SPC24: variants seen among roughly 807,000 people sequenced by gnomAD.
SPC24 encodes kinetochore protein Spc24.
SPC24 carries 31 observed loss-of-function variants against 27.6 expected under a neutral mutation model. The ratio of observed to expected loss-of-function variants is 1.12; its 90% CI spans 0.84 to 1.52. The LOEUF (loss-of-function observed/expected upper bound fraction) is 1.52. SPC24 is among the 40% of genes most tolerant of loss of function. The probability of loss-of-function intolerance (pLI) is 0.00; values close to 1 mark genes in which losing one functional copy is unlikely to be tolerated. For missense variants in SPC24, 284 were observed against 252.5 expected, an observed-to-expected ratio of 1.12 and a Z score of -0.84; for synonymous variants, 105 against 105.8, an observed-to-expected ratio of 0.99 and a Z score of 0.05.
At chr19:11,147,400 G>A (rs1049431652) in intron 4 of SPC24, 111 bp from the exon 5 acceptor site, 6 of 711,564 alleles carry the variant, frequency 8.4e-6, no homozygotes, top group African/African-American at 7.2e-5. Flanking sequence ...TCATTCTGTA[G>A]GCCAGGCTGG....
At position 11,146,105 on chromosome 19, in the gene SPC24, C is replaced by G. The variant is rs1283381291; in HGVS notation, c.*1078G>C. 1 of 152,078 alleles carries G rather than the reference C, an allele frequency of 6.6e-6. No homozygotes were observed. The highest frequency in any genetic ancestry group is 1.5e-5 in the Non-Finnish European group (1 of 68,052). The allele number at this position is 152,078 out of a possible 1,614,324, so 9.4% of individuals were successfully genotyped here. A position where few individuals can be genotyped will look rare whatever the true frequency, so the allele number is the denominator to read the frequency against. On this transcript the variant is annotated 3_prime_UTR_variant, in exon 5 of 5. Transcript: ENST00000592540. ...AAAGTCGCTTCTGTCCTCCATGAAG[C>G]CTGCACACTCTGGTGTGGCTCCTGT...
At chr19:11,149,287 G>A (rs150253194) in intron 1 of SPC24, 49 bp from the exon 2 acceptor site, 13 of 1,404,506 alleles carry the variant, frequency 9.3e-6, no homozygotes, top group African/African-American at 2.9e-5. Flanking sequence ...CTTCCCCAAG[G>A]AGAGCAGAGA....
At chr19:11,152,687 T>C (rs1460009949) in intron 1 of SPC24, among the ~76,000 whole-genome samples, 1 of 152,056 alleles carries the variant, frequency 6.6e-6, no homozygotes, top group Admixed American at 6.6e-5. Context: ...TGGCCCCAGA[T>C]TCATCCATTC....
rs2077842405 is a variant in SPC24 at position 11,148,075 on chromosome 19, C to CGCCTCAATCTCCTTGA, written c.332_347dup (p.Asp117GlnfsTer4). The CGCCTCAATCTCCTTGA allele has an allele frequency of 6.2e-7, 1 of 1,613,724 alleles. No homozygotes were observed. Among genetic ancestry groups the CGCCTCAATCTCCTTGA allele is most frequent in the Non-Finnish European group, 8.5e-7 (1 of 1,179,876 alleles). On this transcript the variant is annotated stop_gained and frameshift_variant, in exon 3 of 5. Coordinates refer to ENST00000592540, the MANE Select transcript of SPC24 (RefSeq NM_182513.4). LOFTEE classifies it high-confidence loss of function. ...CCTCCTTCTCCTGTCGCTCCAGATC[C>CGCCTCAATCTCCTTGA]GCCTCAATCTCCTTGAGCTCTTCCA... is the stretch of plus-strand genomic sequence containing the variant.
At chr19:11,153,796 G>A (rs1600793499) in intron 1 of SPC24, among the ~76,000 whole-genome samples, 1 of 146,380 alleles carries the variant, frequency 6.8e-6, no homozygotes, top group Non-Finnish European at 1.5e-5. Flanking sequence ...GGCTGGGCAC[G>A]GTGGCTCATG....
At position 11,145,521 on chromosome 19, in the gene SPC24, T is replaced by A. The variant is rs2077817842; in HGVS notation, c.*1662A>T. The A allele has an allele frequency of 6.6e-6, 1 of 152,200 alleles. No homozygotes were observed. Among genetic ancestry groups the A allele is most frequent in the South Asian group, 2.1e-4 (1 of 4,834 alleles). The allele number at this position is 152,200 out of a possible 1,614,324, so 9.4% of individuals were successfully genotyped here. A position where few individuals can be genotyped will look rare whatever the true frequency, so the allele number is the denominator to read the frequency against. ...AGTACATGTTCAGTTAGGGTTTATT[T>A]TGGTATCTGTCATAGAAAACCCCCA... is the stretch of plus-strand genomic sequence containing the variant. On this transcript the variant is annotated 3_prime_UTR_variant, in exon 5 of 5. Transcript: ENST00000592540.
rs536355011 is a variant in SPC24, at chr19:11,148,943, G to T, written c.305+151C>A. Reference sequence around the variant, plus strand: ...ATTTTTTTATTTTTGTAGAGACGGGGTCTCTGTTGTCCAGGCTGGTCTCCA... The same window carrying T: ...ATTTTTTTATTTTTGTAGAGACGGGTTCTCTGTTGTCCAGGCTGGTCTCCA... On this transcript the variant is annotated intron_variant, in intron 2 of 4. Transcript: ENST00000592540. 215 of 678,448 alleles carry T rather than the reference G, an allele frequency of 3.2e-4. No homozygotes were observed. In the African/African-American group the frequency reaches 3.6e-3, roughly 11 times the overall value. The allele number at this position is 678,448 out of a possible 1,614,324, so 42.0% of individuals were successfully genotyped here.
In SPC24 at chr19:11,146,239, C is replaced by T. The variant is rs2077822034; in HGVS notation, c.*944G>A. ...CACTCGTATCTTGTCTCTCTGGTGC[C>T]TAGCAGAGTCTGGGCACACCGTGGC... is the stretch of plus-strand genomic sequence containing the variant. On this transcript the variant is annotated 3_prime_UTR_variant, in exon 5 of 5. Transcript: ENST00000592540. 1.3e-5 allele frequency: 2 copies of T among 151,690 alleles called. 1 individual carries two copies. Among genetic ancestry groups the T allele is most frequent in the South Asian group, 4.2e-4 (2 of 4,806 alleles). The allele number at this position is 151,690 out of a possible 1,614,324, so 9.4% of individuals were successfully genotyped here.
intron 1 of SPC24, among the ~76,000 whole-genome samples, chr19:11,155,047 G>T (rs1385065904): frequency 6.6e-6 from 1 of 152,082 alleles, no homozygotes; most frequent in Non-Finnish European, 1.5e-5. Flanking sequence ...TTAGCCGAGT[G>T]CGGTGGCAAG....
chr19:11,151,283 C>G (rs993849982), intron 1 of SPC24, among the ~76,000 whole-genome samples: 8 of 151,844 alleles, frequency 5.3e-5, no homozygotes, highest in Non-Finnish European at 7.4e-5. Flanking sequence ...CACACACGCA[C>G]ACACCCTTCT....
Position 11,145,725 on chromosome 19 carries a change from A to G in SPC24, c.*1458T>C, listed in dbSNP as rs1052976633. ...TATGGCTGCCAGGGCTCCAGCCATC[A>G]CACCCACATTCCAGGAAATAGGAAG... On this transcript the variant is annotated 3_prime_UTR_variant, in exon 5 of 5. Coordinates refer to ENST00000592540, the MANE Select transcript of SPC24 (RefSeq NM_182513.4). 8 of 152,190 alleles carry G rather than the reference A, an allele frequency of 5.3e-5. No homozygotes were observed. The highest frequency in any genetic ancestry group is 1.9e-4 in the African/African-American group (8 of 41,450). The allele number at this position is 152,190 out of a possible 1,614,324, so 9.4% of individuals were successfully genotyped here. A position where few individuals can be genotyped will look rare whatever the true frequency, so the allele number is the denominator to read the frequency against.
chr19:11,147,744 G>C (rs557387577), intron 4 of SPC24, 74 bp downstream of exon 4: 40 of 1,346,946 alleles, frequency 3.0e-5, no homozygotes, highest in Admixed American at 2.8e-4. Flanking sequence ...AATTTTTACA[G>C]GGTCCTGCTA....
In SPC24 at chr19:11,149,279, T is replaced by C. The variant is rs747062853; in HGVS notation, c.161-41A>G. On this transcript the variant is annotated intron_variant, in intron 1 of 4. Coordinates refer to ENST00000592540, the MANE Select transcript of SPC24 (RefSeq NM_182513.4). ...AAGCAGGCTCCCTAGGGTCTGTCCTTCCCCAAGGAGAGCAGAGAGAAGGTG... is the reference window on the plus strand; with the variant it reads ...AAGCAGGCTCCCTAGGGTCTGTCCTCCCCCAAGGAGAGCAGAGAGAAGGTG... 3.5e-6 allele frequency: 5 copies of C among 1,432,248 alleles called. No homozygotes were observed. The African/African-American group carries it at 4.3e-5, about 12-fold the overall frequency. The allele number at this position is 1,432,248 out of a possible 1,614,324, so 88.7% of individuals were successfully genotyped here.
At chr19:11,152,781 G>A (rs556591440) in intron 1 of SPC24, among the ~76,000 whole-genome samples, 88 of 152,174 alleles carry the variant, frequency 5.8e-4, no homozygotes, top group African/African-American at 2.0e-3. Flanking sequence ...GGAAGAAGGA[G>A]GAGGGAAGGA....
rs1001709255 is a variant in SPC24 at position 11,148,646 on chromosome 19, T to TATTG, written c.305+444_305+447dup. ...CAGGTGTGTACCACCATGCCCAGCT[T>TATTG]ATTGATTGATTGATTGATTGAGACA... On this transcript the variant is annotated intron_variant, in intron 2 of 4. Transcript: ENST00000592540. 4.2e-4 allele frequency among the ~76,000 whole-genome samples: 64 copies of TATTG among 151,514 alleles called. 1 individual carries two copies. The highest frequency in any genetic ancestry group is 5.9e-4 in the Non-Finnish European group (40 of 67,858).
At chr19:11,155,099 T>C (rs543296332) in intron 1 of SPC24, among the ~76,000 whole-genome samples, 3 of 152,178 alleles carry the variant, frequency 2.0e-5, no homozygotes, top group Non-Finnish European at 2.9e-5. Context: ...GGCAGGAGAA[T>C]AGCTTGAACC....
At chr19:11,152,585 C>T (rs897641637) in intron 1 of SPC24, among the ~76,000 whole-genome samples, 4 of 152,264 alleles carry the variant, frequency 2.6e-5, no homozygotes, top group African/African-American at 4.8e-5. Flanking sequence ...TTCAGTGACT[C>T]GCCCACAGGT....
chr19:11,153,040 C>T (rs188793106), intron 1 of SPC24, among the ~76,000 whole-genome samples: 5,075 of 152,086 alleles, frequency 0.033, 288 homozygotes, highest in African/African-American at 0.12. Flanking sequence ...GTATAAGGCA[C>T]CTGAAACCCC....
intron 1 of SPC24, among the ~76,000 whole-genome samples, chr19:11,150,012 CCT>C (rs2077858541): frequency 6.6e-6 from 1 of 151,392 alleles, no homozygotes; most frequent in South Asian, 2.1e-4. Flanking sequence ...GCACGGCAAC[CCT>C]GTCAATATTA....
Sources: allele counts gnomAD v4.1 joint callset (sites outside exome capture counted in the v4.1 genomes callset), GRCh38; gene constraint gnomAD v4.1.1; transcripts MANE v1.5; gene names NCBI Gene and HGNC (gene_info 2026-07-23, HGNC 2026-07-21).